The following FLNB variants were observed in gnomAD, a reference collection of about 807,000 sequenced individuals.
The protein encoded by FLNB is filamin B, also known as filamin-B.
A neutral mutation model predicts 250.6 loss-of-function variants in FLNB; 111 were observed. The observed-to-expected ratio is 0.44, with a 90% CI of 0.38 to 0.52. The LOEUF (loss-of-function observed/expected upper bound fraction) is 0.52, where lower values mean the gene tolerates loss of function less well. Among genes scored for constraint, FLNB ranks in the 20% least tolerant of loss-of-function variants. The probability of loss-of-function intolerance (pLI) is 0.00; values close to 1 mark genes in which losing one functional copy is unlikely to be tolerated. For missense variants in FLNB, 2,869 were observed against 3,447.8 expected (o/e 0.83, Z 4.20); for synonymous variants, 1,302 against 1,372.1 (o/e 0.95, Z 1.13).
chr3:58,152,221 G>A (rs533712401), intron 38 of FLNB, among the ~76,000 whole-genome samples: 2 of 152,196 alleles, frequency 1.3e-5, no homozygotes, highest in African/African-American at 4.8e-5. Flanking sequence ...TGATCCTCTC[G>A]GAGATCCCCT....
At chr3:58,103,300 G>T (rs557243606) in intron 9 of FLNB, among the ~76,000 whole-genome samples, 1 of 150,920 alleles carries the variant, frequency 6.6e-6, no homozygotes, top group Non-Finnish European at 1.5e-5. Context: ...GTGTGCACGC[G>T]CGTGCATGCC....
At chr3:58,134,857 C>T (rs765201050) in intron 27 of FLNB, 85 bp downstream of exon 27, 13 of 1,239,160 alleles carry the variant, frequency 1.0e-5, no homozygotes, top group East Asian at 9.4e-5. Flanking sequence ...TTTCAATAAC[C>T]GATTTCTGAC....
chr3:58,143,340 TG>T (rs2097330335), intron 31 of FLNB, 132 bp from the exon 32 acceptor site: 1 of 918,340 alleles, frequency 1.1e-6, no homozygotes, highest in Non-Finnish European at 1.7e-6. Flanking sequence ...TTGTGGGACT[TG>T]AATGTTTTAG....
chr3:58,079,282 T>A (rs2097205781), intron 3 of FLNB, among the ~76,000 whole-genome samples: 2 of 151,022 alleles, frequency 1.3e-5, no homozygotes, highest in South Asian at 4.2e-4. Flanking sequence ...AGATGGAGTC[T>A]CGCTTTGTCG....
intron 1 of FLNB, among the ~76,000 whole-genome samples, chr3:58,044,677 C>T (rs972688212): frequency 3.3e-5 from 5 of 152,106 alleles, no homozygotes; most frequent in African/African-American, 1.2e-4. Context: ...GCCTCTCTCC[C>T]AAGCTAGGAA....
intron 38 of FLNB, chr3:58,152,813 C>G (rs753961557): frequency 7.5e-6 from 9 of 1,205,332 alleles, no homozygotes; most frequent in South Asian, 3.8e-5. Flanking sequence ...ATGCGGCCGC[C>G]TGGCCTCACC....
intron 8 of FLNB, among the ~76,000 whole-genome samples, chr3:58,100,369 A>ATATATAT (rs1559692340): frequency 1.1e-4 from 3 of 26,620 alleles, no homozygotes; most frequent in African/African-American, 9.1e-4. Context: ...ATATGTAAAA[A>ATATATAT]AAAAATATAT....
chr3:58,140,673 A>G lies in FLNB; in HGVS notation c.5110-1185A>G, dbSNP rs577119850. Among the ~76,000 whole-genome samples the G allele has an allele frequency of 6.6e-5, 10 of 152,194 alleles. No homozygotes were observed. In the South Asian group the frequency reaches 1.2e-3, roughly 19 times the overall value. Reference sequence around the variant, plus strand: ...ACCCAGGCTGGAGTACAGTGGTGCAATCTCAGCTCTCTGCAACCTCCACCT... The same window carrying G: ...ACCCAGGCTGGAGTACAGTGGTGCAGTCTCAGCTCTCTGCAACCTCCACCT... On this transcript the variant is annotated intron_variant, in intron 29 of 45. Transcript: ENST00000295956.
At chr3:58,080,401 C>T (rs2097207457) in intron 3 of FLNB, among the ~76,000 whole-genome samples, 1 of 152,074 alleles carries the variant, frequency 6.6e-6, no homozygotes, top group Admixed American at 6.6e-5. Context: ...GGTACTGAAA[C>T]TGAGGTGGTG....
chr3:58,087,493 G>A (rs911598663), intron 4 of FLNB, among the ~76,000 whole-genome samples: 27 of 151,668 alleles, frequency 1.8e-4, no homozygotes, highest in Admixed American at 3.3e-4. Flanking sequence ...TCACTCTGTC[G>A]CCCAGGCTGG....
At chr3:58,098,593 G>A (rs542823202) in intron 7 of FLNB, 118 bp from the exon 8 acceptor site, 12 of 932,736 alleles carry the variant, frequency 1.3e-5, no homozygotes, top group African/African-American at 4.9e-5. Context: ...TCGGCCTCTC[G>A]AAGTGCTGGG....
chr3:58,163,095 C>T, intron 42 of FLNB, 59 bp from the exon 43 acceptor site: 3 of 1,560,236 alleles, frequency 1.9e-6, no homozygotes, highest in Non-Finnish European at 2.7e-6. Flanking sequence ...TTTATCCTCA[C>T]TGAACTCAGG....
At chr3:58,134,383 G>T (rs1260762952) in intron 26 of FLNB, among the ~76,000 whole-genome samples, 2 of 152,158 alleles carry the variant, frequency 1.3e-5, no homozygotes, top group Non-Finnish European at 2.9e-5. Context: ...GTGCCAAAAA[G>T]GTTGGGGACC....
At chr3:58,097,438 A>G (rs2097240907) in intron 6 of FLNB, among the ~76,000 whole-genome samples, 1 of 152,202 alleles carries the variant, frequency 6.6e-6, no homozygotes, top group Non-Finnish European at 1.5e-5. Flanking sequence ...TTGAAAAAAC[A>G]GTTTGGCTGT....
In FLNB at chr3:58,132,928, G is replaced by A. The variant is rs111498181; in HGVS notation, c.4511G>A (p.Arg1504His). 10 of 1,612,448 alleles carry A rather than the reference G, an allele frequency of 6.2e-6. No individual in the cohort carries two copies. In the East Asian group the frequency reaches 6.7e-5, roughly 11 times the overall value. Residue 1504 changes from arginine (R) to histidine (H), a missense_variant, in exon 26 of 46, where the codon CGC becomes CAC. Around this residue, in one of 5 missense-constraint regions of FLNB, gnomAD observed 126 missense variants for 182.0 expected, o/e 0.69. Transcript: ENST00000295956. ...SVKYADEEIPRSPFKVKVLPT... is the reference protein window; with the variant it reads ...SVKYADEEIPHSPFKVKVLPT... ...AAATATGCTGATGAAGAGATTCCTCGCAGGTAAGCTCCATCCATCTGCCCA... is the reference window on the plus strand; with the variant it reads ...AAATATGCTGATGAAGAGATTCCTCACAGGTAAGCTCCATCCATCTGCCCA...
chr3:58,077,223 C>T lies in FLNB; in HGVS notation c.470C>T (p.Pro157Leu). ...GWIQNKIPYL[P>L]ITNFNQNWQD... ...ATTCAGAACAAGATCCCCTACTTGC[C>T]CATCACCAACTTTAACCAGAACTGG... is the stretch of plus-strand genomic sequence containing the variant. Residue 157 changes from proline to leucine, a missense_variant, in exon 2 of 46, where the codon CCC becomes CTC. By Grantham distance (98) the Pro-to-Leu change is moderately conservative. This residue lies in a region of FLNB where 308 missense variants were observed against 466.1 expected (regional missense o/e 0.66). Transcript: ENST00000295956. 3 of 1,614,152 alleles carry T rather than the reference C, an allele frequency of 1.9e-6. No individual in the cohort carries two copies. The highest frequency in any genetic ancestry group is 2.5e-6 in the Non-Finnish European group (3 of 1,180,012).
At chr3:58,028,141 A>G (rs956641092) in intron 1 of FLNB, among the ~76,000 whole-genome samples, 8 of 152,210 alleles carry the variant, frequency 5.3e-5, no homozygotes, top group African/African-American at 1.9e-4. Context: ...AGTAATGTAT[A>G]GATGCTTTGT....
intron 19 of FLNB, among the ~76,000 whole-genome samples, chr3:58,120,168 C>T (rs901438748): frequency 6.6e-6 from 1 of 152,190 alleles, no homozygotes; most frequent in Non-Finnish European, 1.5e-5. Flanking sequence ...CAAGCAAGGC[C>T]AGCTCCCAGT....
In FLNB at chr3:58,169,335, T is replaced by G; in HGVS notation, c.7418-255T>G. 3.9e-6 allele frequency: 2 copies of G among 519,458 alleles called. No homozygotes were observed. The highest frequency in any genetic ancestry group is 7.0e-6 in the Non-Finnish European group (2 of 286,146). The allele number at this position is 519,458 out of a possible 1,614,324, so 32.2% of individuals were successfully genotyped here. A position where few individuals can be genotyped will look rare whatever the true frequency, so the allele number is the denominator to read the frequency against. ...CTTTGGTGGGTAGGGGGTGGGGGGATTGGGAGGGTCCTTGGCCTTGTCAGC... is the reference window on the plus strand; with the variant it reads ...CTTTGGTGGGTAGGGGGTGGGGGGAGTGGGAGGGTCCTTGGCCTTGTCAGC... On this transcript the variant is annotated intron_variant, in intron 44 of 45. Transcript: ENST00000295956. This position sits in a 1 kb window ranked among gnomAD's most constrained non-coding sequence, Gnocchi z 4.8.
Sources: gnomAD v4.1 joint callset for allele counts (sites outside exome capture counted in the v4.1 genomes callset) on GRCh38, gnomAD v4.1.1 for gene constraint, gnomAD v4.1.1 regional missense constraint, Gnocchi (gnomAD v3.1) non-coding constraint, MANE v1.5 for transcripts, NCBI Gene and HGNC (gene_info 2026-07-23, HGNC 2026-07-21) for gene names.